The following DNAH6 variants were observed in gnomAD, a reference collection of about 807,000 sequenced individuals.
DNAH6 encodes dynein axonemal heavy chain 6, also known as axonemal beta dynein heavy chain 6.
Under a neutral mutation model 491.4 loss-of-function variants are expected in DNAH6, and 340 were observed. The observed-to-expected ratio is 0.69, with a 90% confidence interval of 0.63 to 0.76. The LOEUF (loss-of-function observed/expected upper bound fraction) is 0.76. Ranked by LOEUF, DNAH6 falls within the 30% of genes least tolerant of loss-of-function variation. The probability of loss-of-function intolerance (pLI) is 0.00; values close to 1 mark genes in which losing one functional copy is unlikely to be tolerated. For missense variants in DNAH6, 4,443 were observed against 4,972.2 expected, an observed-to-expected ratio of 0.89 and a Z score of 3.20; for synonymous variants, 1,603 against 1,686.1, an observed-to-expected ratio of 0.95 and a Z score of 1.21.
chr2:84,616,612 C>A (rs991233195), intron 22 of DNAH6, among the ~76,000 whole-genome samples: 19 of 152,058 alleles, frequency 1.2e-4, no homozygotes, highest in Admixed American at 2.0e-4. Flanking sequence ...TTGAAGACAG[C>A]AGTTACTGTC....
At chr2:84,577,457 A>G in intron 13 of DNAH6, 49 bp downstream of exon 13, 11 of 1,376,034 alleles carry the variant, frequency 8.0e-6, no homozygotes, top group Non-Finnish European at 9.8e-6. Flanking sequence ...CAATTATTTT[A>G]TGATTTTTCT....
At chr2:84,757,181 A>C (rs1184910248) in intron 63 of DNAH6, among the ~76,000 whole-genome samples, 3 of 152,206 alleles carry the variant, frequency 2.0e-5, no homozygotes, top group Admixed American at 6.5e-5. Context: ...AAATATCCAA[A>C]AGAGGCACAG....
At chr2:84,791,660 T>TTA (rs1033692016) in intron 68 of DNAH6, among the ~76,000 whole-genome samples, 1 of 149,538 alleles carries the variant, frequency 6.7e-6, no homozygotes, top group Non-Finnish European at 1.5e-5. Flanking sequence ...ATATATATAA[T>TTA]TATATATATA....
intron 66 of DNAH6, 94 bp downstream of exon 66, chr2:84,784,904 T>C: frequency 1.2e-6 from 1 of 831,792 alleles, no homozygotes; most frequent in Non-Finnish European, 1.9e-6. Context: ...CACAGAAGCA[T>C]GTGGAGGTCT....
chr2:84,516,343 A>G (rs1356543375), upstream of DNAH6: 1 of 152,234 alleles, frequency 6.6e-6, no homozygotes, highest in Non-Finnish European at 1.5e-5. Context: ...CAATCAGCGA[A>G]GTAGGAAATG....
Position 84,677,118 on chromosome 2 carries a change from T to C in DNAH6, c.6726T>C (p.Ser2242=). 3 of 1,551,708 alleles carry C rather than the reference T, an allele frequency of 1.9e-6. No individual in the cohort carries two copies. The highest frequency in any genetic ancestry group is 1.7e-6 in the Non-Finnish European group (2 of 1,146,954). The part of the protein sequence containing the change: ...MLCLPMPSEH[S]LKQIFQAILN... ...GCCTCCCAATGCCCTCAGAGCACAGTCTGAAACAGATTTTTCAGGTGAGTG... is the reference window on the plus strand; with the variant it reads ...GCCTCCCAATGCCCTCAGAGCACAGCCTGAAACAGATTTTTCAGGTGAGTG... Residue 2242 remains serine (S), a synonymous_variant, in exon 41 of 77, where the codon AGT becomes AGC. Coordinates refer to ENST00000389394, the MANE Select transcript of DNAH6 (RefSeq NM_001370.2).
Position 84,808,661 on chromosome 2 carries a change from C to T in DNAH6, c.11739+119C>T. 4.0e-6 allele frequency: 4 copies of T among 996,070 alleles called. No individual in the cohort carries two copies. In the South Asian group the frequency reaches 6.2e-5, roughly 15 times the overall value. The allele number at this position is 996,070 out of a possible 1,614,324, so 61.7% of individuals were successfully genotyped here. ...TTTCCATTTGGATACACTAACAACT[C>T]TTCAAGCCCAATGAGTCTAAAAATG... On this transcript the variant is annotated intron_variant, in intron 72 of 76. Coordinates refer to ENST00000389394, the MANE Select transcript of DNAH6 (RefSeq NM_001370.2).
At chr2:84,514,853 C>T (rs1249913364), upstream of DNAH6, among the ~76,000 whole-genome samples, 2 of 88,378 alleles carry the variant, frequency 2.3e-5, no homozygotes, top group Non-Finnish European at 4.8e-5. Flanking sequence ...CCTCCCACCC[C>T]CACTTCACCA....
chr2:84,470,384 C>G, the DNAH6 span, among the ~76,000 whole-genome samples: 1 of 152,178 alleles, frequency 6.6e-6, no homozygotes, highest in African/African-American at 2.4e-5. Context: ...AATGGCTACT[C>G]CACAGACAGA....
chr2:84,681,333 C>T (rs1444935514), intron 41 of DNAH6, 24 bp from the exon 42 acceptor site: 1 of 1,486,722 alleles, frequency 6.7e-7, no homozygotes, highest in African/African-American at 1.4e-5. Flanking sequence ...ATCTAATCCT[C>T]TCATATTATG....
rs772365450 is a variant in DNAH6 at position 84,577,397 on chromosome 2, C to A, written c.2065C>A (p.Arg689=). The A allele has an allele frequency of 1.3e-6, 2 of 1,597,740 alleles. No individual in the cohort carries two copies. The highest frequency in any genetic ancestry group is 1.7e-6 in the Non-Finnish European group (2 of 1,173,340). ...LREKLIPSPL[R]CLEVLNFMLP... Reference sequence around the variant, plus strand: ...AGAAAAATTAATTCCATCACCTTTGCGATGCTTAGAGGTAACTATAAACTA... The same window carrying A: ...AGAAAAATTAATTCCATCACCTTTGAGATGCTTAGAGGTAACTATAAACTA... Residue 689 remains arginine, a synonymous_variant, in exon 13 of 77, where the codon CGA becomes AGA. Coordinates refer to ENST00000389394, the MANE Select transcript of DNAH6 (RefSeq NM_001370.2).
chr2:84,620,501 A>G lies in DNAH6; in HGVS notation c.3792+597A>G, dbSNP rs538913797. On this transcript the variant is annotated intron_variant, in intron 24 of 76. Coordinates refer to ENST00000389394, the MANE Select transcript of DNAH6 (RefSeq NM_001370.2). Reference sequence around the variant, plus strand: ...AGGAGAGCCACACATATGCACACACACACAAAGTCAAGTATGATGGAAGGG... The same window carrying G: ...AGGAGAGCCACACATATGCACACACGCACAAAGTCAAGTATGATGGAAGGG... Among the ~76,000 whole-genome samples the G allele has an allele frequency of 3.9e-5, 6 of 152,296 alleles. No individual in the cohort carries two copies. The South Asian group carries it at 1.2e-3, about 32-fold the overall frequency.
At position 84,619,428 on chromosome 2, in the gene DNAH6, T is replaced by G. The variant is rs1687183152; in HGVS notation, c.3573-257T>G. Among the ~76,000 whole-genome samples, 5 of 152,296 alleles carry G rather than the reference T, an allele frequency of 3.3e-5. No individual in the cohort carries two copies. In the South Asian group the frequency reaches 1.0e-3, roughly 32 times the overall value. On this transcript the variant is annotated intron_variant, in intron 23 of 76. Coordinates refer to ENST00000389394, the MANE Select transcript of DNAH6 (RefSeq NM_001370.2). ...TCAGTTTCTAGCATTTTTACAATTT[T>G]ATGAACAATATCTATCTTTTATGTA...
the DNAH6 span, among the ~76,000 whole-genome samples, chr2:84,466,217 T>A: frequency 6.6e-6 from 1 of 152,188 alleles, no homozygotes; most frequent in Non-Finnish European, 1.5e-5. Flanking sequence ...AGGCAAGGTA[T>A]GAGGCCAGTT....
intron 5 of DNAH6, among the ~76,000 whole-genome samples, chr2:84,546,543 T>C (rs144936524): frequency 1.1e-4 from 17 of 152,332 alleles, no homozygotes; most frequent in African/African-American, 3.8e-4. Flanking sequence ...GACTTTTGTT[T>C]ATTTAACTAA....
intron 58 of DNAH6, 106 bp downstream of exon 58, chr2:84,715,733 A>G: frequency 3.8e-6 from 4 of 1,061,488 alleles, no homozygotes; most frequent in Non-Finnish European, 5.5e-6. Context: ...TAAGAGCACT[A>G]CACATGAACC....
chr2:84,761,983 C>T (rs1285809413), intron 63 of DNAH6, among the ~76,000 whole-genome samples: 1 of 152,124 alleles, frequency 6.6e-6, no homozygotes, highest in African/African-American at 2.4e-5. Flanking sequence ...AGCTTTCTGG[C>T]ACATTAAAAG....
At chr2:84,657,224 A>T (rs137900720) in intron 35 of DNAH6, among the ~76,000 whole-genome samples, 1 of 152,100 alleles carries the variant, frequency 6.6e-6, no homozygotes, top group East Asian at 1.9e-4. Flanking sequence ...CACTGTCTTG[A>T]TTACTGCAGC....
At chr2:84,609,393 CAT>C (rs1686093266) in intron 21 of DNAH6, among the ~76,000 whole-genome samples, 1 of 152,056 alleles carries the variant, frequency 6.6e-6, no homozygotes, top group South Asian at 2.1e-4. Context: ...AATTGAGAGA[CAT>C]GTGACTCTTC....
Sources: allele counts gnomAD v4.1 joint callset (sites outside exome capture counted in the v4.1 genomes callset), GRCh38; gene constraint gnomAD v4.1.1; transcripts MANE v1.5; gene names NCBI Gene and HGNC (gene_info 2026-07-23, HGNC 2026-07-21).